CCT3: variants seen among roughly 807,000 people sequenced by gnomAD.
The protein encoded by CCT3 is chaperonin containing TCP1 subunit 3, also known as T-complex protein 1 subunit gamma.
A neutral mutation model predicts 65.3 loss-of-function variants in CCT3; 10 were observed. That is an observed-to-expected ratio of 0.15 (90% CI 0.09 to 0.26). The LOEUF is 0.26. Ranked by LOEUF, CCT3 falls within the 10% of genes least tolerant of loss-of-function variation. The pLI, the probability that CCT3 is intolerant of heterozygous loss-of-function variation, is 1.00. For missense variants in CCT3, 626 were observed against 708.7 expected (o/e 0.88, Z 1.33); for synonymous variants, 225 against 242.3 (o/e 0.93, Z 0.66).
chr1:156,328,456 C>T (rs1374538821), intron 5 of CCT3, among the ~76,000 whole-genome samples: 14 of 151,996 alleles, frequency 9.2e-5, no homozygotes, highest in African/African-American at 2.2e-4. Context: ...CGGATGGTTG[C>T]CGTGTCTGTG....
intron 13 of CCT3, among the ~76,000 whole-genome samples, chr1:156,310,027 T>G (rs1664010825): frequency 1.2e-5 from 1 of 81,474 alleles, no homozygotes; most frequent in African/African-American, 5.5e-5. Context: ...AACGGAGCGA[T>G]AGTCTGTTTC....
chr1:156,324,989 G>A lies in CCT3; in HGVS notation c.405C>T (p.Ser135=). The A allele has an allele frequency of 6.2e-7, 1 of 1,610,604 alleles. No homozygotes were observed. The highest frequency in any genetic ancestry group is 1.3e-5 in the African/African-American group (1 of 74,984). ...AYRKALDDMI[S]TLKKISIPVD... is the part of the protein sequence containing the mutation. ...CAAGATACCTTATTTTCTTTAGGGT[G>A]CTGATCATATCATCCAATGCCTTGC... Residue 135 remains serine, a synonymous_variant, in exon 6 of 14, where the codon AGC becomes AGT. Coordinates refer to ENST00000295688, the MANE Select transcript of CCT3 (RefSeq NM_005998.5).
Position 156,317,525 on chromosome 1 carries a change from T to G in CCT3, c.782A>C (p.Glu261Ala). The G allele has an allele frequency of 6.2e-7, 1 of 1,613,582 alleles. No homozygotes were observed. Among genetic ancestry groups the G allele is most frequent in the Non-Finnish European group, 8.5e-7 (1 of 1,179,654 alleles). Reference sequence around the variant, plus strand: ...CTGGAGAATTCGGGTGAAGTCCTCCTCTCGTGTAATCTCAATGTCAGTCTG... The same window carrying G: ...CTGGAGAATTCGGGTGAAGTCCTCCGCTCGTGTAATCTCAATGTCAGTCTG... ...ESQTDIEITR[E>A]EDFTRILQME... The change falls in exon 9 of 14, where the codon GAG becomes GCG. Residue 261 changes from glutamate (E) to alanine (A), a missense_variant. Physicochemically the swap from Glu to Ala is moderately radical, Grantham distance 107. Coordinates refer to ENST00000295688, the MANE Select transcript of CCT3 (RefSeq NM_005998.5).
At chr1:156,330,192 A>T (rs150631254) in intron 5 of CCT3, among the ~76,000 whole-genome samples, 1,743 of 152,292 alleles carry the variant, frequency 0.011, 11 homozygotes, top group Middle Eastern at 0.024. Context: ...TATTACAAAA[A>T]ATAAAAAATA....
At chr1:156,310,440 G>C (rs1383199594) in intron 13 of CCT3, 118 bp downstream of exon 13, 25 of 654,962 alleles carry the variant, frequency 3.8e-5, no homozygotes, top group Non-Finnish European at 5.4e-5. Context: ...ATTGCAGTGA[G>C]CCGAGATCAC....
In CCT3 at chr1:156,335,601, C is replaced by T. The variant is rs186543372; in HGVS notation, c.93+226G>A. 131 of 485,858 alleles carry T rather than the reference C, an allele frequency of 2.7e-4. 1 individual carries two copies. Among genetic ancestry groups the T allele is most frequent in the African/African-American group, 2.2e-3 (113 of 51,372 alleles). The allele number at this position is 485,858 out of a possible 1,614,324, so 30.1% of individuals were successfully genotyped here. On this transcript the variant is annotated intron_variant, in intron 2 of 13. Transcript: ENST00000295688. ...AATACTATAAAACAATACACAGCAACAGAATAATGCACAAGTTAATACGAG... is the reference window on the plus strand; with the variant it reads ...AATACTATAAAACAATACACAGCAATAGAATAATGCACAAGTTAATACGAG...
At chr1:156,322,524 A>G (rs1008720097) in intron 6 of CCT3, among the ~76,000 whole-genome samples, 3 of 152,010 alleles carry the variant, frequency 2.0e-5, no homozygotes, top group Non-Finnish European at 4.4e-5. Flanking sequence ...TAATAAGATT[A>G]AAGTGTTCTA....
rs756092341 is a variant in CCT3 at position 156,317,224 on chromosome 1, G to A, written c.916C>T (p.Arg306Trp). The A allele has an allele frequency of 7.4e-6, 12 of 1,613,962 alleles. No individual in the cohort carries two copies. The highest frequency in any genetic ancestry group is 2.2e-5 in the East Asian group (1 of 44,900). The change falls in exon 10 of 14, where the codon CGG (arginine) becomes TGG (tryptophan). Residue 306 changes from arginine to tryptophan, a missense_variant. Physicochemically the swap from Arg to Trp is moderately radical, Grantham distance 101. Transcript: ENST00000295688. ...CTGCGGATGGCTGTGATATTGGCCC[G>A]CATAAGGTAGTGCTGAGCTAAATCT... ...ISDLAQHYLMRANITAIRRVR... is the reference protein window; with the variant it reads ...ISDLAQHYLMWANITAIRRVR...
intron 9 of CCT3, 53 bp from the exon 10 acceptor site, chr1:156,317,300 T>C: frequency 4.4e-6 from 7 of 1,603,988 alleles, no homozygotes; most frequent in Non-Finnish European, 5.1e-6. Flanking sequence ...GGTTTTATAA[T>C]CAAAGTACTC....
chr1:156,312,195 C>T lies in CCT3; in HGVS notation c.1001G>A (p.Arg334Gln), dbSNP rs183770409. ...ATCATCTTCTCTCAGTTCCTCTGGT[C>T]GGCTGACTATCCGGGCCCCACAGGC... ...ARACGARIVS[R>Q]PEELREDDVG... is the part of the protein sequence containing the mutation. The change falls in exon 11 of 14, where the codon CGA (arginine) becomes CAA (glutamine). Residue 334 changes from arginine (R) to glutamine (Q), a missense_variant. Physicochemically the swap from Arg to Gln is conservative, Grantham distance 43. Coordinates refer to ENST00000295688, the MANE Select transcript of CCT3 (RefSeq NM_005998.5). 2.1e-5 allele frequency: 34 copies of T among 1,613,992 alleles called. No homozygotes were observed. Among genetic ancestry groups the T allele is most frequent in the African/African-American group, 1.2e-4 (9 of 75,050 alleles).
At position 156,317,609 on chromosome 1, in the gene CCT3, A is replaced by G; in HGVS notation, c.760-62T>C. 3 of 1,507,332 alleles carry G rather than the reference A, an allele frequency of 2.0e-6. No individual in the cohort carries two copies. The South Asian group carries it at 3.7e-5, about 18-fold the overall frequency. The allele number at this position is 1,507,332 out of a possible 1,614,324, so 93.4% of individuals were successfully genotyped here. ...CTGGACTGGTGAAGCTCTAAGGGTC[A>G]TATTATACTCCTTCCACCCACCTCT... On this transcript the variant is annotated intron_variant, in intron 8 of 13. Coordinates refer to ENST00000295688, the MANE Select transcript of CCT3 (RefSeq NM_005998.5).
rs760023454 is a variant in CCT3, at chr1:156,310,570, C to T, written c.1521G>A (p.Lys507=). Residue 507 remains lysine (K), a synonymous_variant, in exon 13 of 14, where the codon AAG becomes AAA. Transcript: ENST00000295688. The stretch of plus-strand genomic sequence containing the variant: ...TAGGGTGCCTTACCTCCACTGCTGT[C>T]TTATAAGTCTGCAGCTTCACAGCCA... The part of the protein sequence containing the change: ...EPLAVKLQTY[K]TAVETAVLLL... The T allele has an allele frequency of 6.2e-7, 1 of 1,613,494 alleles. No individual in the cohort carries two copies. The highest frequency in any genetic ancestry group is 8.5e-7 in the Non-Finnish European group (1 of 1,179,522).
intron 10 of CCT3, among the ~76,000 whole-genome samples, chr1:156,313,476 T>C (rs1292074239): frequency 6.6e-6 from 1 of 151,958 alleles, no homozygotes; most frequent in Non-Finnish European, 1.5e-5. Context: ...ATGACATTTA[T>C]TAGTAAGAAA....
intron 1 of CCT3, chr1:156,337,052 G>T: frequency 1.6e-6 from 2 of 1,281,970 alleles, no homozygotes; most frequent in South Asian, 1.2e-5. Context: ...ATGAGGTACA[G>T]AAGTTACACA....
At chr1:156,312,908 C>A (rs1030781730) in intron 10 of CCT3, among the ~76,000 whole-genome samples, 2 of 152,106 alleles carry the variant, frequency 1.3e-5, no homozygotes, top group African/African-American at 2.4e-5. Flanking sequence ...GGTGAAAGAT[C>A]TAAAGCTGGA....
At chr1:156,322,942 AAAT>A (rs1369921986) in intron 6 of CCT3, among the ~76,000 whole-genome samples, 1 of 152,170 alleles carries the variant, frequency 6.6e-6, no homozygotes, top group Non-Finnish European at 1.5e-5. Context: ...TACTGCATAA[AAAT>A]AATTAGATCA....
At chr1:156,327,276 CTCTCCCCTCTCCCT>C (rs1407372112) in intron 5 of CCT3, among the ~76,000 whole-genome samples, 1 of 152,122 alleles carries the variant, frequency 6.6e-6, no homozygotes, top group African/African-American at 2.4e-5. Context: ...CGCCTCTCCC[CTCTCCCCTCTCCCT>C]CTCCACGGTC....
chr1:156,327,490 G>A (rs1008253536), intron 5 of CCT3, among the ~76,000 whole-genome samples: 19 of 152,260 alleles, frequency 1.2e-4, no homozygotes, highest in African/African-American at 2.9e-4. Flanking sequence ...ACGGGGTTTC[G>A]CTGTGTTGGC....
intron 5 of CCT3, among the ~76,000 whole-genome samples, chr1:156,325,681 G>C (rs571330519): frequency 4.6e-5 from 7 of 151,244 alleles, no homozygotes; most frequent in Non-Finnish European, 8.8e-5. Flanking sequence ...AGATTCAAGC[G>C]ATTTTCCCAC....
Sources: gnomAD v4.1 joint callset for allele counts (sites outside exome capture counted in the v4.1 genomes callset) on GRCh38, gnomAD v4.1.1 for gene constraint, MANE v1.5 for transcripts, NCBI Gene and HGNC (gene_info 2026-07-23, HGNC 2026-07-21) for gene names.